The following FLG variants were observed in gnomAD, a reference collection of about 807,000 sequenced individuals.
The protein encoded by FLG is filaggrin, also known as epidermal filaggrin.
A neutral mutation model predicts 3.8 loss-of-function variants in FLG; 6 were observed. The ratio of observed to expected loss-of-function variants is 1.60; its 90% CI spans 0.87 to 3.15. FLG has a LOEUF of 3.15. FLG is among the 30% of genes most tolerant of loss of function. The probability of loss-of-function intolerance (pLI) is 0.00; values close to 1 mark genes in which losing one functional copy is unlikely to be tolerated. For missense variants in FLG, 7,595 were observed against 5,050.9 expected, an observed-to-expected ratio of 1.50 and a Z score of -15.27; for synonymous variants, 2,551 against 1,931.6, an observed-to-expected ratio of 1.32 and a Z score of -8.41.
In FLG at chr1:152,309,729, G is replaced by C. The variant is rs770839382; in HGVS notation, c.5157C>G (p.Ala1719=). The C allele has an allele frequency of 6.2e-7, 1 of 1,614,052 alleles. No individual in the cohort carries two copies. Among genetic ancestry groups the C allele is most frequent in the Admixed American group, 1.7e-5 (1 of 60,020 alleles). ...SGNRGSSGSQ[A]SDSEGHSEES... ...CTTCTGAGTGTCCCTCGCTGTCACT[G>C]GCCTGGCTACCACTGGACCCTCGGT... The change falls in exon 3 of 3, where the codon GCC becomes GCG. Residue 1719 remains alanine (A), a synonymous_variant. Coordinates refer to ENST00000368799, the MANE Select transcript of FLG (RefSeq NM_002016.2).
In FLG at chr1:152,303,412, T is replaced by A. The variant is rs1377677040; in HGVS notation, c.11474A>T (p.His3825Leu). 1.9e-6 allele frequency: 3 copies of A among 1,613,926 alleles called. No homozygotes were observed. Among genetic ancestry groups the A allele is most frequent in the African/African-American group, 1.3e-5 (1 of 74,888 alleles). ...AGCTTCATGGTGACGCGACCCTGAG[T>A]GCCTGGAGCCGTCTCCTGACTGTTC... ...NEEQSGDGSR[H>L]SGSRHHEAST... Residue 3825 changes from histidine (H) to leucine (L), a missense_variant, in exon 3 of 3, where the codon CAC becomes CTC. Physicochemically the swap from His to Leu is moderately conservative, Grantham distance 99 (BLOSUM62 -3). Coordinates refer to ENST00000368799, the MANE Select transcript of FLG (RefSeq NM_002016.2).
In FLG at chr1:152,309,165, C is replaced by T. The variant is rs779700276; in HGVS notation, c.5721G>A (p.Gly1907=). 25 of 1,613,388 alleles carry T rather than the reference C, an allele frequency of 1.5e-5. No homozygotes were observed. Among genetic ancestry groups the T allele is most frequent in the Admixed American group, 5.0e-5 (3 of 59,968 alleles). ...ATCCCTGGTTCCTGCTTGTCCTGGG[C>T]CCTGATGATTGTCCCTGGCCCACCT... ...HSQVGQGQSS[G]PRTSRNQGSS... is the part of the protein sequence containing the mutation. Residue 1907 remains glycine, a synonymous_variant, in exon 3 of 3, where the codon GGG becomes GGA. Transcript: ENST00000368799.
Position 152,310,859 on chromosome 1 carries a change from C to G in FLG, c.4027G>C (p.Val1343Leu), listed in dbSNP as rs1557878170. 1 of 1,613,946 alleles carries G rather than the reference C, an allele frequency of 6.2e-7. No homozygotes were observed. Among genetic ancestry groups the G allele is most frequent in the Non-Finnish European group, 8.5e-7 (1 of 1,179,974 alleles). Residue 1343 changes from valine (V) to leucine (L), a missense_variant, in exon 3 of 3, where the codon GTG becomes CTG. Transcript: ENST00000368799. ...GATCTTGCCTGTTCATGGGATGACACAGCCTGTCCATGAGAGGAAGACTCT... is the reference window on the plus strand; with the variant it reads ...GATCTTGCCTGTTCATGGGATGACAGAGCCTGTCCATGAGAGGAAGACTCT... The part of the protein sequence containing the change: ...HTESSSHGQA[V>L]SSHEQARSSP...
chr1:152,310,656 CACTG>C lies in FLG; in HGVS notation c.4226_4229del (p.Ser1409CysfsTer36). ...GGGGCCCAGCTTGTCCGTGGGCTGA[CACTG>C]ACTGTGTGTCTGAGTCTTCTGAATG... is the stretch of plus-strand genomic sequence containing the variant. On this transcript the variant is annotated frameshift_variant, in exon 3 of 3. Coordinates refer to ENST00000368799, the MANE Select transcript of FLG (RefSeq NM_002016.2). LOFTEE classifies it low-confidence loss of function (END_TRUNC). 1 of 1,614,048 alleles carries C rather than the reference CACTG, an allele frequency of 6.2e-7. No homozygotes were observed.
In FLG at chr1:152,311,988, A is replaced by G. The variant is rs529101001; in HGVS notation, c.2898T>C (p.Ala966=). 4.3e-5 allele frequency: 69 copies of G among 1,614,000 alleles called. No homozygotes were observed. In the East Asian group the frequency reaches 1.3e-3, roughly 31 times the overall value. Residue 966 remains alanine, a synonymous_variant, in exon 3 of 3, where the codon GCT becomes GCC. Transcript: ENST00000368799. ...GAGCAGATCCACGATGGTTTCTGGAAGCAGACCCAGACCACCTCTCAGAGT... is the reference window on the plus strand; with the variant it reads ...GAGCAGATCCACGATGGTTTCTGGAGGCAGACCCAGACCACCTCTCAGAGT... The part of the protein sequence containing the change: ...SEDSERWSGS[A]SRNHRGSAQE...
rs1477132571 is a variant in FLG at position 152,308,407 on chromosome 1, C to G, written c.6479G>C (p.Arg2160Thr). The G allele has an allele frequency of 6.2e-7, 1 of 1,613,770 alleles. No homozygotes were observed. Among genetic ancestry groups the G allele is most frequent in the African/African-American group, 1.3e-5 (1 of 74,832 alleles). The change falls in exon 3 of 3, where the codon AGG becomes ACG. Residue 2160 changes from arginine (R) to threonine (T), a missense_variant. By Grantham distance (71) the Arg-to-Thr change is moderately conservative (BLOSUM62 -1). Transcript: ENST00000368799. ...QGSHQEQSVD[R>T]SGHSGSHHSH... The stretch of plus-strand genomic sequence containing the variant: ...GTGATGAGACCCTGAGTGTCCAGAC[C>G]TATCTACCGATTGCTCTTGGTGGGA...
Position 152,311,241 on chromosome 1 carries a change from A to G in FLG, c.3645T>C (p.Ser1215=), listed in dbSNP as rs148792255. The G allele has an allele frequency of 7.7e-4, 1,246 of 1,613,394 alleles. 7 individuals carry two copies. Among genetic ancestry groups the G allele is most frequent in the East Asian group, 2.9e-3 (132 of 44,800 alleles). Residue 1215 remains serine (S), a synonymous_variant, in exon 3 of 3, where the codon AGT becomes AGC. Transcript: ENST00000368799. ...TGTCCTTACGAGTTTGTCTGCTTGC[A>G]CTTCTGGATCCTGACTGCCCATGGG... ...DASHGQSGSR[S]ASRQTRKDKQ...
chr1:152,309,410 C>T lies in FLG; in HGVS notation c.5476G>A (p.Gly1826Arg). 4 of 1,613,708 alleles carry T rather than the reference C, an allele frequency of 2.5e-6. No individual in the cohort carries two copies. Among genetic ancestry groups the T allele is most frequent in the East Asian group, 2.2e-5 (1 of 44,784 alleles). ...TCTACCGATTGCTCATAGTGGGATC[C>T]CTGCCTTCCTCCTCTGCTTGACCCT... Reference protein sequence around the residue: ...HPGSSRGGRQGSHYEQSVDSS... With the variant: ...HPGSSRGGRQRSHYEQSVDSS... The change falls in exon 3 of 3, where the codon GGA becomes AGA. Residue 1826 changes from glycine (G) to arginine (R), a missense_variant. Coordinates refer to ENST00000368799, the MANE Select transcript of FLG (RefSeq NM_002016.2).
rs12083389 is a variant in FLG at position 152,304,107 on chromosome 1, C to G, written c.10779G>C (p.Glu3593Asp). The G allele has an allele frequency of 0.1, 129,551 of 1,292,728 alleles. 11,557 individuals are homozygous for G. The highest frequency in any genetic ancestry group is 0.44 in the East Asian group (14,634 of 33,032). 80.1% of individuals were successfully genotyped at this position (1,292,728 alleles called of 1,614,324 possible). A position where few individuals can be genotyped will look rare whatever the true frequency, so the allele number is the denominator to read the frequency against. The change falls in exon 3 of 3, where the codon GAG (glutamate) becomes GAC (aspartate). Residue 3593 changes from glutamate to aspartate, a missense_variant. By Grantham distance (45) the Glu-to-Asp change is conservative (BLOSUM62 2). Transcript: ENST00000368799. The part of the protein sequence containing the change: ...EDRAGHGHSA[E>D]SSRQSGTHHA... ...GATGAGTGCCTGATTGTCTGGAGCT[C>G]TCTGCAGAGTGCCCGTGACCGGCTC...
Position 152,308,319 on chromosome 1 carries a change from T to G in FLG, c.6567A>C (p.Ala2189=), listed in dbSNP as rs148841847. The G allele has an allele frequency of 6.1e-5, 98 of 1,613,730 alleles. No individual in the cohort carries two copies. The highest frequency in any genetic ancestry group is 1.7e-4 in the African/African-American group (13 of 75,010). ...GTTCCTTGTCATATGTTTTTCTGCT[T>G]GCACTTCTGGATCCTGACTGCCCAC... ...ASRGQSGSRS[A]SRKTYDKEQS... Residue 2189 remains alanine (A), a synonymous_variant, in exon 3 of 3, where the codon GCA becomes GCC. Transcript: ENST00000368799.
In FLG at chr1:152,303,964, C is replaced by T. The variant is rs373213481; in HGVS notation, c.10922G>A (p.Gly3641Asp). The T allele has an allele frequency of 6.2e-5, 100 of 1,613,692 alleles. No individual in the cohort carries two copies. The highest frequency in any genetic ancestry group is 1.7e-5 in the Admixed American group (1 of 59,974). Reference protein sequence around the residue: ...QQSADSSRHSGIGHGQASSAV... With the variant: ...QQSADSSRHSDIGHGQASSAV... ...AGATGAAGCTTGTCCGTGCCCAATGCCTGAGTGTCTGGAGCTGTCTGCTGA... is the reference window on the plus strand; with the variant it reads ...AGATGAAGCTTGTCCGTGCCCAATGTCTGAGTGTCTGGAGCTGTCTGCTGA... The change falls in exon 3 of 3, where the codon GGC becomes GAC. Residue 3641 changes from glycine (G) to aspartate (D), a missense_variant. By Grantham distance (94) the Gly-to-Asp change is moderately conservative. Coordinates refer to ENST00000368799, the MANE Select transcript of FLG (RefSeq NM_002016.2).
Position 152,303,612 on chromosome 1 carries a change from A to G in FLG, c.11274T>C (p.Ile3758=), listed in dbSNP as rs777843349. The stretch of plus-strand genomic sequence containing the variant: ...CTCTCCTTGACCCCGGGTGTCCACG[A>G]ATGGTGTCCTGACCCTCTTGGGACG... ...HSASQEGQDT[I]RGHPGSRRGG... is the part of the protein sequence containing the mutation. Residue 3758 remains isoleucine (I), a synonymous_variant, in exon 3 of 3, where the codon ATT becomes ATC. Coordinates refer to ENST00000368799, the MANE Select transcript of FLG (RefSeq NM_002016.2). 2.5e-6 allele frequency: 4 copies of G among 1,613,798 alleles called. No homozygotes were observed. The highest frequency in any genetic ancestry group is 3.4e-6 in the Non-Finnish European group (4 of 1,179,932).
Position 152,304,412 on chromosome 1 carries a change from C to T in FLG, c.10474G>A (p.Asp3492Asn), listed in dbSNP as rs752796238. The T allele has an allele frequency of 6.2e-6, 10 of 1,610,466 alleles. No homozygotes were observed. Among genetic ancestry groups the T allele is most frequent in the Non-Finnish European group, 8.5e-6 (10 of 1,178,642 alleles). The part of the protein sequence containing the change: ...SRSASRQTRN[D>N]EQSGDGSRHS... ...CTGGAGCCATCTCCTGATTGTTCGT[C>T]ATTACGAGTTTGTCTGCTGGCACTT... Residue 3492 changes from aspartate to asparagine, a missense_variant, in exon 3 of 3, where the codon GAC (aspartate) becomes AAC (asparagine). By Grantham distance (23) the Asp-to-Asn change is conservative (BLOSUM62 1). Transcript: ENST00000368799.
At position 152,307,281 on chromosome 1, in the gene FLG, A is replaced by G. The variant is rs1360685756; in HGVS notation, c.7605T>C (p.His2535=). 6.2e-7 allele frequency: 1 copy of G among 1,612,970 alleles called. No homozygotes were observed. The highest frequency in any genetic ancestry group is 1.7e-5 in the Admixed American group (1 of 59,922). The part of the protein sequence containing the change: ...DGSRHSGSRH[H]EASSRADSSG... ...AGCTGTCGGCCCGAGAGGAAGCTTC[A>G]TGGTGACGCGACCCTGAGTGCCTGG... The change falls in exon 3 of 3, where the codon CAT becomes CAC. Residue 2535 remains histidine (H), a synonymous_variant. Coordinates refer to ENST00000368799, the MANE Select transcript of FLG (RefSeq NM_002016.2).
chr1:152,314,318 T>A lies in FLG; in HGVS notation c.568A>T (p.Asn190Tyr), dbSNP rs894542734. 2.5e-6 allele frequency: 4 copies of A among 1,613,518 alleles called. No individual in the cohort carries two copies. Among genetic ancestry groups the A allele is most frequent in the Non-Finnish European group, 3.4e-6 (4 of 1,179,916 alleles). ...SSKKEKNKTE[N>Y]TRLGDNRKRL... Reference sequence around the variant, plus strand: ...TTCCTATTGTCTCCTAATCTAGTATTTTCAGTCTTGTTTTTCTCTTTTTTA... The same window carrying A: ...TTCCTATTGTCTCCTAATCTAGTATATTCAGTCTTGTTTTTCTCTTTTTTA... The change falls in exon 3 of 3, where the codon AAT becomes TAT. Residue 190 changes from asparagine (N) to tyrosine (Y), a missense_variant. Transcript: ENST00000368799.
In FLG at chr1:152,308,693, C is replaced by T; in HGVS notation, c.6193G>A (p.Ala2065Thr). 1 of 1,614,164 alleles carries T rather than the reference C, an allele frequency of 6.2e-7. No homozygotes were observed. Residue 2065 changes from alanine (A) to threonine (T), a missense_variant, in exon 3 of 3, where the codon GCT becomes ACT. Ala to Thr is a moderately conservative substitution (Grantham distance 58). Coordinates refer to ENST00000368799, the MANE Select transcript of FLG (RefSeq NM_002016.2). ...TTGTGGCTCTGCTGATGGGGCCCAG[C>T]TTTTCCCTGTGCTGACACTGACTGT... is the stretch of plus-strand genomic sequence containing the variant. ...DTQSVSAQGK[A>T]GPHQQSHKES...
Position 152,309,884 on chromosome 1 carries a change from A to T in FLG, c.5002T>A (p.Ser1668Thr). 6.2e-7 allele frequency: 1 copy of T among 1,614,014 alleles called. No individual in the cohort carries two copies. Among genetic ancestry groups the T allele is most frequent in the Non-Finnish European group, 8.5e-7 (1 of 1,179,992 alleles). The change falls in exon 3 of 3, where the codon TCA becomes ACA. Residue 1668 changes from serine (S) to threonine (T), a missense_variant. Coordinates refer to ENST00000368799, the MANE Select transcript of FLG (RefSeq NM_002016.2). Reference sequence around the variant, plus strand: ...CTTGACCTTGCCTGTTCCTGGGATGATGCAGCCTGTCCACCAGAGGAAGTC... The same window carrying T: ...CTTGACCTTGCCTGTTCCTGGGATGTTGCAGCCTGTCCACCAGAGGAAGTC... ...AETSSGGQAA[S>T]SQEQARSSPG... is the part of the protein sequence containing the mutation.
chr1:152,312,814 C>G lies in FLG; in HGVS notation c.2072G>C (p.Gly691Ala), dbSNP rs114762657. Residue 691 changes from glycine to alanine, a missense_variant, in exon 3 of 3, where the codon GGA (glycine) becomes GCA (alanine). By Grantham distance (60) the Gly-to-Ala change is moderately conservative (BLOSUM62 0). Coordinates refer to ENST00000368799, the MANE Select transcript of FLG (RefSeq NM_002016.2). ...GTRHTQNSSSGQAASSHEQAR... is the reference protein window; with the variant it reads ...GTRHTQNSSSAQAASSHEQAR... The stretch of plus-strand genomic sequence containing the variant: ...CTGTTCATGGGATGACGCAGCCTGT[C>G]CACTAGAGGAATTCTGTGTGTGACG... 6.2e-7 allele frequency: 1 copy of G among 1,614,040 alleles called. No homozygotes were observed. Among genetic ancestry groups the G allele is most frequent in the Non-Finnish European group, 8.5e-7 (1 of 1,180,016 alleles).
intron 1 of FLG, among the ~76,000 whole-genome samples, chr1:152,317,965 A>G (rs1652842020): frequency 6.6e-6 from 1 of 152,046 alleles, no homozygotes; most frequent in South Asian, 2.1e-4. Flanking sequence ...CTATTCCATC[A>G]ACATGTTTTA....
Sources: allele counts gnomAD v4.1 joint callset (sites outside exome capture counted in the v4.1 genomes callset), GRCh38; gene constraint gnomAD v4.1.1; transcripts MANE v1.5; gene names NCBI Gene and HGNC (gene_info 2026-07-23, HGNC 2026-07-21).